The following PTPRD variants were observed in gnomAD, a reference collection of about 807,000 sequenced individuals.
PTPRD encodes the protein protein tyrosine phosphatase receptor type D.
PTPRD carries 34 observed loss-of-function variants against 214.5 expected under a neutral mutation model. That is an observed-to-expected ratio of 0.16 (90% CI 0.12 to 0.21). The LOEUF is 0.21. PTPRD is among the 10% of genes least tolerant of loss of function. PTPRD has a pLI of 1.00. For synonymous variants in PTPRD, 1,128 were observed against 845.7 expected, an observed-to-expected ratio of 1.33 and a Z score of -5.79; for missense variants, 2,545 against 2,398.7, an observed-to-expected ratio of 1.06 and a Z score of -1.27.
intron 9 of PTPRD, among the ~76,000 whole-genome samples, chr9:9,360,649 C>T (rs900677204): frequency 6.6e-6 from 1 of 151,000 alleles, no homozygotes; most frequent in East Asian, 1.9e-4. Flanking sequence ...ACAATCTAGT[C>T]ATGGTATCAA....
chr9:10,268,204 C>T (rs183212556), intron 3 of PTPRD, among the ~76,000 whole-genome samples: 161 of 148,980 alleles, frequency 1.1e-3, no homozygotes, highest in African/African-American at 3.7e-3. Context: ...GCTGGAGAAT[C>T]GCTTGAACCC....
intron 12 of PTPRD, among the ~76,000 whole-genome samples, chr9:8,654,982 T>A (rs1216151041): frequency 6.6e-6 from 1 of 152,152 alleles, no homozygotes; most frequent in Non-Finnish European, 1.5e-5. Flanking sequence ...AGAAAAACAA[T>A]TTCACATACT....
chr9:9,637,592 G>A (rs1015183442), intron 7 of PTPRD, among the ~76,000 whole-genome samples: 6 of 152,282 alleles, frequency 3.9e-5, no homozygotes, highest in South Asian at 4.1e-4. Flanking sequence ...GCAGCTCCCC[G>A]CATATGGCTT....
intron 10 of PTPRD, among the ~76,000 whole-genome samples, chr9:9,097,826 T>G (rs993102029): frequency 1.3e-5 from 2 of 152,138 alleles, no homozygotes; most frequent in Non-Finnish European, 2.9e-5. Context: ...GATGCTTGTA[T>G]AGTGAAGAGC....
chr9:9,951,083 G>A (rs2093411486), intron 4 of PTPRD, among the ~76,000 whole-genome samples: 1 of 152,116 alleles, frequency 6.6e-6, no homozygotes, highest in Admixed American at 6.6e-5. Context: ...ATAAGTACCA[G>A]GAATTTTCAC....
At chr9:9,846,991 T>G (rs1219182573) in intron 5 of PTPRD, among the ~76,000 whole-genome samples, 1 of 152,114 alleles carries the variant, frequency 6.6e-6, no homozygotes, top group Admixed American at 6.6e-5. Context: ...TATATTTTTT[T>G]GAGTATGCCA....
intron 5 of PTPRD, among the ~76,000 whole-genome samples, chr9:9,808,675 G>T (rs920169741): frequency 2.6e-5 from 4 of 152,042 alleles, no homozygotes; most frequent in African/African-American, 9.7e-5. Flanking sequence ...CTGCCTCCTG[G>T]TTCCATTTAT....
At chr9:8,871,701 C>A (rs1028267624) in intron 11 of PTPRD, among the ~76,000 whole-genome samples, 1 of 152,100 alleles carries the variant, frequency 6.6e-6, no homozygotes, top group South Asian at 2.1e-4. Flanking sequence ...AGAGTGAAAA[C>A]TTTACCAATG....
chr9:10,029,459 A>G (rs1026796852), intron 4 of PTPRD, among the ~76,000 whole-genome samples: 6 of 152,310 alleles, frequency 3.9e-5, no homozygotes, highest in Admixed American at 2.0e-4. Context: ...TACCCTGCAA[A>G]GCCACAGGGG....
chr9:9,804,548 G>A (rs2099061407), intron 5 of PTPRD, among the ~76,000 whole-genome samples: 1 of 152,016 alleles, frequency 6.6e-6, no homozygotes, highest in Non-Finnish European at 1.5e-5. Context: ...CTCTTTTGAG[G>A]AAGACTCTCA....
chr9:8,383,729 C>T (rs1254261604), intron 37 of PTPRD, among the ~76,000 whole-genome samples: 1 of 152,138 alleles, frequency 6.6e-6, no homozygotes, highest in African/African-American at 2.4e-5. Context: ...TTTCACTCCC[C>T]ATCTCCAACA....
intron 3 of PTPRD, among the ~76,000 whole-genome samples, chr9:10,326,801 T>C (rs10123173): frequency 0.32 from 48,177 of 151,140 alleles, 8,928 homozygotes; most frequent in African/African-American, 0.51. Context: ...TACCGGTTTG[T>C]TTGTTTTTTT....
intron 14 of PTPRD, among the ~76,000 whole-genome samples, chr9:8,579,634 A>G (rs1188832580): frequency 6.6e-6 from 1 of 152,256 alleles, no homozygotes; most frequent in East Asian, 1.9e-4. Flanking sequence ...AAGTATTTTA[A>G]TGGAATAAGA....
At chr9:10,246,436 T>G (rs1830607) in intron 3 of PTPRD, among the ~76,000 whole-genome samples, 83,774 of 151,940 alleles carry the variant, frequency 0.55, 24,751 homozygotes, top group East Asian at 0.73. Flanking sequence ...TAGAGATGGG[T>G]TTTCACCATG....
chr9:9,851,265 G>T (rs1437740739), intron 5 of PTPRD, among the ~76,000 whole-genome samples: 10 of 152,116 alleles, frequency 6.6e-5, no homozygotes, highest in Non-Finnish European at 1.3e-4. Context: ...GTCTCCTGAG[G>T]GTTAATGCAG....
chr9:10,330,807 T>C (rs1412206747), intron 3 of PTPRD, among the ~76,000 whole-genome samples: 2 of 151,856 alleles, frequency 1.3e-5, no homozygotes. Flanking sequence ...AAAAGCCATG[T>C]AACCCCTTAA....
chr9:8,889,988 G>C (rs112737281), intron 11 of PTPRD, among the ~76,000 whole-genome samples: 18 of 152,288 alleles, frequency 1.2e-4, no homozygotes, highest in African/African-American at 4.1e-4. Context: ...TAGTGGGATT[G>C]CTGGATCAAA....
At chr9:10,053,605 TG>T (rs1328853134) in intron 3 of PTPRD, among the ~76,000 whole-genome samples, 1 of 152,164 alleles carries the variant, frequency 6.6e-6, no homozygotes. Flanking sequence ...AGTTGAACCC[TG>T]GCAACTCTTT....
At position 9,716,670 on chromosome 9, in the gene PTPRD, T is replaced by A. The variant is rs1457277646; in HGVS notation, c.-287+17863A>T. 2.6e-5 allele frequency among the ~76,000 whole-genome samples: 4 copies of A among 152,366 alleles called. No homozygotes were observed. In the South Asian group the frequency reaches 6.2e-4, roughly 24 times the overall value. On this transcript the variant is annotated intron_variant, in intron 7 of 45. Coordinates refer to ENST00000381196, the MANE Select transcript of PTPRD (RefSeq NM_002839.4). ...ATGTCTTCTTTAGAGAAGTGTCTGTTCATGTCCTTTGCCCACTTTTTGATG... is the reference window on the plus strand; with the variant it reads ...ATGTCTTCTTTAGAGAAGTGTCTGTACATGTCCTTTGCCCACTTTTTGATG...
Sources: gnomAD v4.1 joint callset for allele counts (sites outside exome capture counted in the v4.1 genomes callset) on GRCh38, gnomAD v4.1.1 for gene constraint, MANE v1.5 for transcripts, NCBI Gene and HGNC (gene_info 2026-07-23, HGNC 2026-07-21) for gene names.